The following CTBP2 variants were observed in gnomAD, a reference collection of about 807,000 sequenced individuals.
CTBP2 encodes C-terminal binding protein 2.
CTBP2 carries 30 observed loss-of-function variants against 80.3 expected under a neutral mutation model. The ratio of observed to expected loss-of-function variants is 0.37; its 90% confidence interval spans 0.28 to 0.51. CTBP2 has a LOEUF of 0.51. Ranked by LOEUF, CTBP2 falls within the 20% of genes least tolerant of loss-of-function variation. The pLI is 0.93. For synonymous variants in CTBP2, 594 were observed against 587.4 expected, an observed-to-expected ratio of 1.01 and a Z score of -0.16; for missense variants, 1,212 against 1,375.3, an observed-to-expected ratio of 0.88 and a Z score of 1.88.
chr10:125,110,892 C>T (rs1852193650), intron 2 of CTBP2, 98 bp downstream of exon 2: 1 of 152,368 alleles, frequency 6.6e-6, no homozygotes, highest in Non-Finnish European at 1.5e-5. Context: ...CAGCCAGAGG[C>T]TGCAGGCAAT....
At chr10:125,031,093 G>A (rs956658281), upstream of CTBP2, among the ~76,000 whole-genome samples, 3 of 152,118 alleles carry the variant, frequency 2.0e-5, no homozygotes, top group African/African-American at 4.8e-5. Flanking sequence ...CAGAAAAATC[G>A]GCCTATGGCA....
At chr10:125,113,389 TTAAA>T (rs1852638120) in intron 1 of CTBP2, among the ~76,000 whole-genome samples, 1 of 152,240 alleles carries the variant, frequency 6.6e-6, no homozygotes, top group Non-Finnish European at 1.5e-5. Flanking sequence ...TCTCTAAAGG[TTAAA>T]TGCCTTTTAC....
At chr10:125,085,840 A>C (rs544836146) in intron 2 of CTBP2, among the ~76,000 whole-genome samples, 7 of 152,308 alleles carry the variant, frequency 4.6e-5, no homozygotes, top group Middle Eastern at 6.8e-3. Context: ...TTCTCACTGG[A>C]AACTGAAATG....
chr10:125,073,844 ACTC>A (rs1246984200), intron 2 of CTBP2, among the ~76,000 whole-genome samples: 2 of 151,424 alleles, frequency 1.3e-5, no homozygotes, highest in African/African-American at 4.9e-5. Flanking sequence ...GAGAGGGAAA[ACTC>A]CTCCCAATCA....
intron 1 of CTBP2, among the ~76,000 whole-genome samples, chr10:125,119,473 A>G (rs2136014618): frequency 6.6e-6 from 1 of 152,360 alleles, no homozygotes; most frequent in South Asian, 2.1e-4. Flanking sequence ...AGAGCTGTAC[A>G]GGGATATGTC....
Position 125,026,796 on chromosome 10 carries a change from C to T in CTBP2, c.964G>A (p.Ala322Thr). The change falls in exon 1 of 9, where the codon GCT (alanine) becomes ACT (threonine). Residue 322 changes from alanine (A) to threonine (T), a missense_variant. Ala to Thr is a moderately conservative substitution (Grantham distance 58). This residue lies in a region of CTBP2 where 848 missense variants were observed against 782.3 expected (regional missense o/e 1.08). Coordinates refer to ENST00000309035, the MANE Select transcript of CTBP2 (RefSeq NM_022802.3). ...TTGATATCCGCGTCCTCCAGGGTAG[C>T]CAGGACGGCCGGGGAGTCAAAGCCC... 1 of 1,613,258 alleles carries T rather than the reference C, an allele frequency of 6.2e-7. No individual in the cohort carries two copies. Among genetic ancestry groups the T allele is most frequent in the Non-Finnish European group, 8.5e-7 (1 of 1,179,978 alleles).
In CTBP2 at chr10:125,050,887, A is replaced by G. The variant is rs114152595; in HGVS notation, c.-101-11732T>C. Among the ~76,000 whole-genome samples the G allele has an allele frequency of 8.0e-3, 1,225 of 152,290 alleles. 22 individuals are homozygous for G. The highest frequency in any genetic ancestry group is 0.028 in the African/African-American group (1,157 of 41,544). Reference sequence around the variant, plus strand: ...TCTAGAGAACTGCAACCTTGTCATAATGAACTGGGGTCCTCACAGGCCTCC... The same window carrying G: ...TCTAGAGAACTGCAACCTTGTCATAGTGAACTGGGGTCCTCACAGGCCTCC... On this transcript the variant is annotated intron_variant, in intron 2 of 10. Coordinates refer to the CTBP2 transcript ENST00000337195.
chr10:125,069,789 G>GT (rs1845176701), intron 2 of CTBP2, among the ~76,000 whole-genome samples: 1 of 152,074 alleles, frequency 6.6e-6, no homozygotes, highest in African/African-American at 2.4e-5. Flanking sequence ...TTCTCACAGA[G>GT]TATTTTGTTG....
chr10:125,102,972 G>T (rs1489899189), intron 2 of CTBP2, among the ~76,000 whole-genome samples: 1 of 152,202 alleles, frequency 6.6e-6, no homozygotes, highest in East Asian at 1.9e-4. Context: ...CAGGTGGCGG[G>T]AGAGTACAGC....
chr10:125,027,570 C>A lies in CTBP2; in HGVS notation c.190G>T (p.Val64Leu), dbSNP rs374741156. ...CGGTACAGGTAGGGCTCGGCGGCCACGGGCAGGGCAGCGTCCTGTGGTCGG... is the reference window on the plus strand; with the variant it reads ...CGGTACAGGTAGGGCTCGGCGGCCAAGGGCAGGGCAGCGTCCTGTGGTCGG... Residue 64 changes from valine (V) to leucine (L), a missense_variant, in exon 1 of 9, where the codon GTG becomes TTG. Physicochemically the swap from Val to Leu is conservative, Grantham distance 32. This residue lies in a region of CTBP2 where 848 missense variants were observed against 782.3 expected (regional missense o/e 1.08). Transcript: ENST00000309035. 3.1e-6 allele frequency: 5 copies of A among 1,613,988 alleles called. No homozygotes were observed. The highest frequency in any genetic ancestry group is 2.2e-5 in the South Asian group (2 of 91,086).
intron 2 of CTBP2, among the ~76,000 whole-genome samples, chr10:125,048,517 C>CGCCA (rs1159705798): frequency 2.0e-5 from 3 of 152,184 alleles, no homozygotes; most frequent in African/African-American, 7.2e-5. Context: ...GGGGATGCAG[C>CGCCA]GCCAGCGCCT....
At chr10:125,158,429 C>T (rs1325691947) in intron 1 of CTBP2, among the ~76,000 whole-genome samples, 3 of 152,150 alleles carry the variant, frequency 2.0e-5, no homozygotes, top group Admixed American at 1.3e-4. Context: ...CAAAATTATC[C>T]ATGTCAGATA....
intron 5 of CTBP2, 53 bp downstream of exon 7, chr10:124,994,416 C>G: frequency 6.4e-7 from 1 of 1,569,608 alleles, no homozygotes; most frequent in South Asian, 1.1e-5. Flanking sequence ...TGCCCACAAG[C>G]AAGTGCTACC....
In CTBP2 at chr10:125,152,013, G is replaced by C. The variant is rs553269032; in HGVS notation, c.-206+8306C>G. ...CAAGTGTAAAGGCGAGGCGCGAGGTGGGGGGGCCCGGGGGTGTCAGATACC... is the reference window on the plus strand; with the variant it reads ...CAAGTGTAAAGGCGAGGCGCGAGGTCGGGGGGCCCGGGGGTGTCAGATACC... On this transcript the variant is annotated intron_variant, in intron 1 of 10. Transcript: ENST00000337195. 5.9e-5 allele frequency among the ~76,000 whole-genome samples: 9 copies of C among 152,162 alleles called. No homozygotes were observed. In the East Asian group the frequency reaches 1.6e-3, roughly 26 times the overall value.
intron 2 of CTBP2, among the ~76,000 whole-genome samples, chr10:125,044,073 G>A (rs1960595378): frequency 6.6e-6 from 1 of 152,136 alleles, no homozygotes; most frequent in South Asian, 2.1e-4. Flanking sequence ...AGGTTGAGGC[G>A]ATCCAATGCA....
rs971228726 is a variant in CTBP2, at chr10:124,985,918, A to T, written c.*3600T>A. The T allele has an allele frequency of 2.6e-5, 4 of 152,204 alleles. No homozygotes were observed. The highest frequency in any genetic ancestry group is 9.6e-5 in the African/African-American group (4 of 41,452). The allele number at this position is 152,204 out of a possible 1,614,324, so 9.4% of individuals were successfully genotyped here. A position where few individuals can be genotyped will look rare whatever the true frequency, so the allele number is the denominator to read the frequency against. On this transcript the variant is annotated 3_prime_UTR_variant, in exon 9 of 9. Transcript: ENST00000309035. ...TCTTCCTTCTATCACCTCTGCTCTA[A>T]GCAAATCTTGTTAGAAGGGCATGCC...
chr10:125,076,580 G>A (rs140241942), intron 2 of CTBP2, among the ~76,000 whole-genome samples: 225 of 152,268 alleles, frequency 1.5e-3, no homozygotes, highest in African/African-American at 5.2e-3. Context: ...CCTGGGACTT[G>A]AGAGGCAGCG....
chr10:125,098,896 C>T (rs1409202165), intron 2 of CTBP2, among the ~76,000 whole-genome samples: 1 of 152,178 alleles, frequency 6.6e-6, no homozygotes, highest in Non-Finnish European at 1.5e-5. Flanking sequence ...GGGCCACCTC[C>T]TCCCTGCGCC....
chr10:125,042,358 G>C (rs1960101496), intron 2 of CTBP2, among the ~76,000 whole-genome samples: 2 of 152,126 alleles, frequency 1.3e-5, no homozygotes, highest in South Asian at 4.1e-4. Context: ...CGCTGGCTCT[G>C]GGCTCCCTGA....
Sources: gnomAD v4.1 joint callset for allele counts (sites outside exome capture counted in the v4.1 genomes callset) on GRCh38, gnomAD v4.1.1 for gene constraint, gnomAD v4.1.1 regional missense constraint, MANE v1.5 for transcripts, NCBI Gene and HGNC (gene_info 2026-07-23, HGNC 2026-07-21) for gene names.